Variants in IQCM observed in about 807,000 individuals in gnomAD.
IQCM encodes the protein IQ motif containing M.
Under a neutral mutation model 57.6 loss-of-function variants are expected in IQCM, and 45 were observed. The observed-to-expected ratio is 0.78, with a 90% CI of 0.62 to 1.00. The LOEUF (loss-of-function observed/expected upper bound fraction) is 1.00, where lower values mean the gene tolerates loss of function less well. Ranked by LOEUF, IQCM falls within the 50% of genes least tolerant of loss-of-function variation. IQCM has a pLI of 0.00. For missense variants in IQCM, 468 were observed against 511.6 expected (o/e 0.91, Z 0.82); for synonymous variants, 148 against 158.9 (o/e 0.93, Z 0.51).
chr4:149,739,544 G>T (rs1212055000), intron 3 of IQCM, among the ~76,000 whole-genome samples: 4 of 149,780 alleles, frequency 2.7e-5, no homozygotes, highest in African/African-American at 9.8e-5. Flanking sequence ...TGGGTAAATT[G>T]TCTTATTAAA....
intron 13 of IQCM, among the ~76,000 whole-genome samples, chr4:149,365,366 G>T (rs1384412688): frequency 6.6e-6 from 1 of 151,960 alleles, no homozygotes; most frequent in African/African-American, 2.4e-5. Context: ...AACTATAAAA[G>T]AAATATACAT....
At chr4:149,573,415 C>A (rs528141280) in intron 9 of IQCM, among the ~76,000 whole-genome samples, 8 of 151,754 alleles carry the variant, frequency 5.3e-5, no homozygotes, top group African/African-American at 1.7e-4. Flanking sequence ...AAAACTGATG[C>A]AAATTCCTGA....
At chr4:149,763,432 G>C (rs993427289) in intron 2 of IQCM, among the ~76,000 whole-genome samples, 2 of 151,966 alleles carry the variant, frequency 1.3e-5, no homozygotes, top group Non-Finnish European at 2.9e-5. Flanking sequence ...TTCTAGAGGA[G>C]AAAAAGAGGC....
chr4:149,435,605 C>G (rs556374461), intron 12 of IQCM, among the ~76,000 whole-genome samples: 1 of 151,310 alleles, frequency 6.6e-6, no homozygotes, highest in East Asian at 2.0e-4. Context: ...CAGCCTCAGG[C>G]ATGTCCTTCA....
chr4:149,354,730 C>A (rs1728838361), intron 13 of IQCM, among the ~76,000 whole-genome samples: 1 of 152,056 alleles, frequency 6.6e-6, no homozygotes, highest in African/African-American at 2.4e-5. Flanking sequence ...GGTATTCAAT[C>A]TTAGTTTCCC....
At chr4:149,782,863 T>C (rs964723911) in intron 2 of IQCM, among the ~76,000 whole-genome samples, 3 of 152,162 alleles carry the variant, frequency 2.0e-5, no homozygotes, top group Non-Finnish European at 2.9e-5. Flanking sequence ...GATTCTACTC[T>C]CTCATGGTTC....
At chr4:149,694,749 G>C (rs1422920460) in intron 5 of IQCM, among the ~76,000 whole-genome samples, 5 of 152,158 alleles carry the variant, frequency 3.3e-5, no homozygotes, top group African/African-American at 1.2e-4. Flanking sequence ...GAACACTGTA[G>C]AGGGGATTTT....
intron 13 of IQCM, among the ~76,000 whole-genome samples, chr4:149,404,028 G>T (rs1473831494): frequency 2.6e-5 from 4 of 151,964 alleles, no homozygotes; most frequent in African/African-American, 9.7e-5. Context: ...CATTTATTAA[G>T]TGCTTAATAT....
At chr4:149,792,592 G>T (rs549785049) in intron 2 of IQCM, among the ~76,000 whole-genome samples, 7 of 152,152 alleles carry the variant, frequency 4.6e-5, no homozygotes, top group African/African-American at 1.2e-4. Context: ...TTTCCAAAAT[G>T]CATCATAGGT....
chr4:149,500,129 A>G (rs1743088826), intron 12 of IQCM, among the ~76,000 whole-genome samples: 1 of 152,226 alleles, frequency 6.6e-6, no homozygotes, highest in Non-Finnish European at 1.5e-5. Context: ...ATTGTGTTCA[A>G]TGACCTTTCA....
In IQCM at chr4:149,467,051, TG is replaced by T. The variant is rs746844613; in HGVS notation, c.1229-33495del. On this transcript the variant is annotated intron_variant, in intron 12 of 13. Coordinates refer to ENST00000636793, the MANE Select transcript of IQCM (RefSeq NM_001363507.2). Reference sequence around the variant, plus strand: ...TAAGTTTGCATATATGAATTTCTTTTGGGGGGGCACATATTTTCAGACCATA... The same window carrying T: ...TAAGTTTGCATATATGAATTTCTTTTGGGGGGCACATATTTTCAGACCATA... Among the ~76,000 whole-genome samples the T allele has an allele frequency of 9.9e-4, 151 of 152,056 alleles. 1 individual carries two copies. Among genetic ancestry groups the T allele is most frequent in the Non-Finnish European group, 8.1e-4 (55 of 68,004 alleles).
At position 149,617,080 on chromosome 4, in the gene IQCM, C is replaced by T. The variant is rs368301984; in HGVS notation, c.681+4049G>A. Among the ~76,000 whole-genome samples, 184 of 152,048 alleles carry T rather than the reference C, an allele frequency of 1.2e-3. 1 individual carries two copies. The highest frequency in any genetic ancestry group is 4.0e-3 in the African/African-American group (166 of 41,468). The stretch of plus-strand genomic sequence containing the variant: ...AAGGTATTCTCCTGCCTCAGCCTCC[C>T]GAGTAGCTGGGATTACAGGCATGTG... On this transcript the variant is annotated intron_variant, in intron 8 of 13. Transcript: ENST00000636793.
intron 2 of IQCM, among the ~76,000 whole-genome samples, chr4:149,774,196 T>A (rs559927245): frequency 2.6e-3 from 400 of 151,876 alleles, no homozygotes; most frequent in Middle Eastern, 0.01. Flanking sequence ...TAAAAAAAAA[T>A]TTTTTTTATT....
chr4:149,717,657 G>C (rs998529763), intron 5 of IQCM, among the ~76,000 whole-genome samples: 1 of 152,162 alleles, frequency 6.6e-6, no homozygotes, highest in African/African-American at 2.4e-5. Context: ...AATTGAGCCT[G>C]AAAAAGGTTA....
intron 9 of IQCM, among the ~76,000 whole-genome samples, chr4:149,582,579 C>T (rs1847357): frequency 1 from 150,962 of 150,980 alleles, 75,472 homozygotes; most frequent in Non-Finnish European, 1. Context: ...AAATAATGTC[C>T]ATGTGTGTAC....
At chr4:149,521,039 C>A (rs1016686698) in intron 12 of IQCM, among the ~76,000 whole-genome samples, 2 of 152,166 alleles carry the variant, frequency 1.3e-5, no homozygotes, top group African/African-American at 4.8e-5. Flanking sequence ...CTAACCCACT[C>A]TTTTCTGCAG....
chr4:149,355,209 A>G (rs1429467448), intron 13 of IQCM, among the ~76,000 whole-genome samples: 1 of 152,146 alleles, frequency 6.6e-6, no homozygotes, highest in African/African-American at 2.4e-5. Context: ...TACACATAAT[A>G]TATCTTTAAT....
At chr4:149,621,320 G>A (rs1234874026) in intron 7 of IQCM, 76 bp from the exon 8 acceptor site, 2 of 589,342 alleles carry the variant, frequency 3.4e-6, no homozygotes, top group Non-Finnish European at 5.0e-6. Flanking sequence ...GCTTAATGTT[G>A]CAAAGAGTAA....
intron 7 of IQCM, among the ~76,000 whole-genome samples, chr4:149,650,776 T>G (rs1303791317): frequency 6.6e-6 from 1 of 152,144 alleles, no homozygotes; most frequent in East Asian, 1.9e-4. Flanking sequence ...TTTTACATCT[T>G]TTGCGGAAGT....
Sources: allele counts gnomAD v4.1 joint callset (sites outside exome capture counted in the v4.1 genomes callset), GRCh38; gene constraint gnomAD v4.1.1; transcripts MANE v1.5; gene names NCBI Gene and HGNC (gene_info 2026-07-23, HGNC 2026-07-21).